Variants in RHBDL2 observed in about 807,000 individuals in gnomAD.
RHBDL2 encodes the protein rhomboid-related protein 2.
RHBDL2 carries 26 observed loss-of-function variants against 31.7 expected under a neutral mutation model. That is an observed-to-expected ratio of 0.82 (90% CI 0.60 to 1.14). The LOEUF is 1.14. Ranked by LOEUF, RHBDL2 falls within the 50% of genes most tolerant of loss-of-function variation. The pLI is 0.00. For missense variants in RHBDL2, 336 were observed against 364.4 expected (o/e 0.92, Z 0.63); for synonymous variants, 123 against 127.2 (o/e 0.97, Z 0.22).
At chr1:38,933,961 C>G (rs1337864414) in intron 1 of RHBDL2, among the ~76,000 whole-genome samples, 1 of 152,100 alleles carries the variant, frequency 6.6e-6, no homozygotes, top group Non-Finnish European at 1.5e-5. Flanking sequence ...ATCCTGACCT[C>G]AAATGATCCA....
In RHBDL2 at chr1:38,922,171, T is replaced by C. The variant is rs181906572; in HGVS notation, c.-125-2834A>G. Reference sequence around the variant, plus strand: ...TAGCCAAAACTCACTGCATGTCTGCTTTCTGCCTTGCCTTGTAAAGTAGAC... The same window carrying C: ...TAGCCAAAACTCACTGCATGTCTGCCTTCTGCCTTGCCTTGTAAAGTAGAC... On this transcript the variant is annotated intron_variant, in intron 1 of 7. Coordinates refer to ENST00000372990, the MANE Select transcript of RHBDL2 (RefSeq NM_017821.5). 1.2e-4 allele frequency among the ~76,000 whole-genome samples: 18 copies of C among 152,136 alleles called. 1 individual carries two copies. The highest frequency in any genetic ancestry group is 3.6e-4 in the African/African-American group (15 of 41,492).
At chr1:38,927,796 T>C (rs963532182) in intron 1 of RHBDL2, among the ~76,000 whole-genome samples, 5 of 152,380 alleles carry the variant, frequency 3.3e-5, no homozygotes, top group African/African-American at 9.6e-5. Context: ...CTAAACACTT[T>C]ATGAGCATTG....
rs556582135 is a variant in RHBDL2, at chr1:38,919,311, C to T, written c.-99G>A. ...TGCCGCTCTTCCCTGGGCTGTCTGG[C>T]GCAACGACTGCTTTCCAAGGCCTTT... On this transcript the variant is annotated 5_prime_UTR_variant, in exon 2 of 8. Transcript: ENST00000372990. 2.7e-5 allele frequency: 44 copies of T among 1,603,714 alleles called. No homozygotes were observed. The East Asian group carries it at 3.4e-4, about 12-fold the overall frequency.
At chr1:38,904,864 TACTAA>T (rs1643042197) in intron 4 of RHBDL2, among the ~76,000 whole-genome samples, 1 of 148,412 alleles carries the variant, frequency 6.7e-6, no homozygotes, top group Non-Finnish European at 1.5e-5. Flanking sequence ...ACCCCGTCTC[TACTAA>T]AAATACAAAA....
chr1:38,902,844 G>A (rs567053161), intron 4 of RHBDL2, among the ~76,000 whole-genome samples: 6 of 151,360 alleles, frequency 4.0e-5, no homozygotes, highest in Non-Finnish European at 8.9e-5. Flanking sequence ...GAGCCACCAC[G>A]CCCAGCCCCT....
intron 4 of RHBDL2, among the ~76,000 whole-genome samples, chr1:38,901,473 AAAGAAAG>A (rs985601301): frequency 3.3e-5 from 5 of 150,990 alleles, no homozygotes; most frequent in African/African-American, 9.7e-5. Context: ...AAAAAAAAAA[AAAGAAAG>A]AAAGAAAGAA....
intron 1 of RHBDL2, among the ~76,000 whole-genome samples, chr1:38,934,323 G>A (rs559826619): frequency 2.0e-5 from 3 of 151,808 alleles, no homozygotes; most frequent in Non-Finnish European, 4.4e-5. Context: ...ACTCCAGCCT[G>A]GATGACAGAG....
chr1:38,889,204 G>A (rs991486515), intron 6 of RHBDL2, among the ~76,000 whole-genome samples: 8 of 152,048 alleles, frequency 5.3e-5, no homozygotes, highest in South Asian at 2.1e-4. Flanking sequence ...AGCAATTCTC[G>A]TGCCTCAGCC....
intron 4 of RHBDL2, among the ~76,000 whole-genome samples, chr1:38,907,261 C>T (rs534927129): frequency 3.9e-5 from 6 of 152,288 alleles, no homozygotes; most frequent in Non-Finnish European, 7.3e-5. Flanking sequence ...AAGTAAAGGC[C>T]AGGTGCAGTG....
At chr1:38,891,832 C>T (rs75627827) in intron 6 of RHBDL2, among the ~76,000 whole-genome samples, 4,273 of 152,262 alleles carry the variant, frequency 0.028, 84 homozygotes, top group Non-Finnish European at 0.043. Flanking sequence ...ATGTGGACAG[C>T]CAAAAACATC....
At chr1:38,889,360 C>T (rs1277385871) in intron 6 of RHBDL2, among the ~76,000 whole-genome samples, 2 of 152,144 alleles carry the variant, frequency 1.3e-5, no homozygotes, top group Non-Finnish European at 2.9e-5. Flanking sequence ...CCTCGACCTC[C>T]CAAAGTGCTG....
intron 4 of RHBDL2, among the ~76,000 whole-genome samples, chr1:38,901,670 T>C (rs1642991164): frequency 6.6e-6 from 1 of 151,460 alleles, no homozygotes; most frequent in Admixed American, 6.6e-5. Context: ...ACCCCGTCTC[T>C]ACTAAAAATG....
intron 4 of RHBDL2, among the ~76,000 whole-genome samples, chr1:38,907,899 A>G (rs977107723): frequency 4.6e-5 from 7 of 152,206 alleles, no homozygotes; most frequent in Non-Finnish European, 7.3e-5. Context: ...GACTTCATCA[A>G]AATTTAAAAT....
intron 1 of RHBDL2, among the ~76,000 whole-genome samples, chr1:38,940,145 G>A (rs776004388): frequency 1.3e-5 from 2 of 151,972 alleles, no homozygotes; most frequent in African/African-American, 4.8e-5. Flanking sequence ...TATAAAATAG[G>A]GTTAATAATA....
intron 4 of RHBDL2, 41 bp from the exon 5 acceptor site, chr1:38,896,110 G>T: frequency 3.6e-6 from 5 of 1,385,192 alleles, no homozygotes; most frequent in Middle Eastern, 1.8e-4. Flanking sequence ...TGACTATACG[G>T]ATCAGGAAAG....
intron 2 of RHBDL2, among the ~76,000 whole-genome samples, chr1:38,917,345 A>G (rs1000062621): frequency 6.6e-6 from 1 of 152,136 alleles, no homozygotes; most frequent in African/African-American, 2.4e-5. Flanking sequence ...TATCTTTACA[A>G]TATCTCTATA....
rs575146639 is a variant in RHBDL2 at position 38,919,312 on chromosome 1, G to C, written c.-100C>G. 3 of 1,603,260 alleles carry C rather than the reference G, an allele frequency of 1.9e-6. No homozygotes were observed. The highest frequency in any genetic ancestry group is 1.1e-5 in the South Asian group (1 of 90,088). ...GCCGCTCTTCCCTGGGCTGTCTGGCGCAACGACTGCTTTCCAAGGCCTTTC... is the reference window on the plus strand; with the variant it reads ...GCCGCTCTTCCCTGGGCTGTCTGGCCCAACGACTGCTTTCCAAGGCCTTTC... On this transcript the variant is annotated 5_prime_UTR_variant, in exon 2 of 8. Coordinates refer to ENST00000372990, the MANE Select transcript of RHBDL2 (RefSeq NM_017821.5).
At position 38,928,092 on chromosome 1, in the gene RHBDL2, T is replaced by C. The variant is rs547921357; in HGVS notation, c.-125-8755A>G. Among the ~76,000 whole-genome samples the C allele has an allele frequency of 1.2e-4, 18 of 152,080 alleles. No homozygotes were observed. The South Asian group carries it at 3.7e-3, about 32-fold the overall frequency. ...TGGCAACAGAGCAAGATCCTGTCTC[T>C]GAAATAAATAAATAAATTGAAGATT... On this transcript the variant is annotated intron_variant, in intron 1 of 7. Coordinates refer to ENST00000372990, the MANE Select transcript of RHBDL2 (RefSeq NM_017821.5).
chr1:38,919,104 T>C lies in RHBDL2; in HGVS notation c.109A>G (p.Lys37Glu), dbSNP rs779885826. The C allele has an allele frequency of 6.2e-7, 1 of 1,614,188 alleles. No homozygotes were observed. The highest frequency in any genetic ancestry group is 8.5e-7 in the Non-Finnish European group (1 of 1,180,048). Residue 37 changes from lysine to glutamate, a missense_variant, in exon 2 of 8, where the codon AAA becomes GAA. Physicochemically the swap from Lys to Glu is moderately conservative, Grantham distance 56. Coordinates refer to ENST00000372990, the MANE Select transcript of RHBDL2 (RefSeq NM_017821.5). ...ACCTTTTTACTCTTGGCCCGATCTT[T>C]ACCTCCCCCATCCTCTCTCATTTTC... ...EEKMREDGGG[K>E]DRAKSKKVHR... is the part of the protein sequence containing the mutation.
Sources: allele counts gnomAD v4.1 joint callset (sites outside exome capture counted in the v4.1 genomes callset), GRCh38; gene constraint gnomAD v4.1.1; transcripts MANE v1.5; gene names NCBI Gene and HGNC (gene_info 2026-07-23, HGNC 2026-07-21).